The following GANAB variants were observed in gnomAD, a reference collection of about 807,000 sequenced individuals.
GANAB encodes glucosidase II alpha subunit, also known as neutral alpha-glucosidase AB.
GANAB carries 35 observed loss-of-function variants against 129.9 expected under a neutral mutation model. The observed-to-expected ratio is 0.27, with a 90% confidence interval of 0.21 to 0.36. The LOEUF (loss-of-function observed/expected upper bound fraction) is 0.36, where lower values mean the gene tolerates loss of function less well. Ranked by LOEUF, GANAB falls within the 10% of genes least tolerant of loss-of-function variation. GANAB has a pLI of 1.00. For missense variants in GANAB, 939 were observed against 1,221.0 expected (o/e 0.77, Z 3.44); for synonymous variants, 482 against 451.8 (o/e 1.07, Z -0.85).
intron 22 of GANAB, 48 bp from the exon 23 acceptor site, chr11:62,626,213 C>A (rs755832946): frequency 6.9e-7 from 1 of 1,441,400 alleles, no homozygotes; most frequent in Non-Finnish European, 9.8e-7. Flanking sequence ...AATAACAGAA[C>A]AGAAGGAAGG....
intron 4 of GANAB, among the ~76,000 whole-genome samples, chr11:62,636,328 C>T (rs1008697157): frequency 6.6e-6 from 1 of 150,868 alleles, no homozygotes; most frequent in Non-Finnish European, 1.5e-5. Flanking sequence ...AGGATGGGCT[C>T]GGTGGCCCAC....
Position 62,625,109 on chromosome 11 carries a change from G to A in GANAB, c.*706C>T. 1 of 406,850 alleles carries A rather than the reference G, an allele frequency of 2.5e-6. No homozygotes were observed. 25.2% of individuals were successfully genotyped at this position (406,850 alleles called of 1,614,324 possible). A position where few individuals can be genotyped will look rare whatever the true frequency, so the allele number is the denominator to read the frequency against. On this transcript the variant is annotated 3_prime_UTR_variant, in exon 24 of 24. Transcript: ENST00000356638. ...CAAAGGGGACAAGAAGGGGGCAAAA[G>A]AAGTTTAATGCGCATCCCCTAAGAG...
Position 62,629,803 on chromosome 11 carries a change from C to T in GANAB, c.1737+11G>A. 6.2e-7 allele frequency: 1 copy of T among 1,614,036 alleles called. No individual in the cohort carries two copies. The highest frequency in any genetic ancestry group is 1.1e-5 in the South Asian group (1 of 91,080). ...CCTCTTTCCACCAACTCTCCTCTCT[C>T]AGGCCCTTACCACATAAAGGCCATA... is the stretch of plus-strand genomic sequence containing the variant. On this transcript the variant is annotated intron_variant, in intron 14 of 23. Transcript: ENST00000356638.
chr11:62,625,706 G>T lies in GANAB; in HGVS notation c.*109C>A. 1.4e-6 allele frequency: 1 copy of T among 740,354 alleles called. No individual in the cohort carries two copies. Among genetic ancestry groups the T allele is most frequent in the Non-Finnish European group, 2.4e-6 (1 of 416,008 alleles). The allele number at this position is 740,354 out of a possible 1,614,324, so 45.9% of individuals were successfully genotyped here. On this transcript the variant is annotated 3_prime_UTR_variant, in exon 24 of 24. Coordinates refer to ENST00000356638, the MANE Select transcript of GANAB (RefSeq NM_198334.3). Reference sequence around the variant, plus strand: ...AAATGTTGGCAGAATCTGGGTCTTAGACTAGCATAAGTGAAGTCTGGGGAG... The same window carrying T: ...AAATGTTGGCAGAATCTGGGTCTTATACTAGCATAAGTGAAGTCTGGGGAG...
intron 1 of GANAB, 90 bp from the exon 2 acceptor site, chr11:62,639,821 T>A: frequency 1.3e-6 from 1 of 766,198 alleles, no homozygotes; most frequent in South Asian, 1.4e-5. Context: ...GTCATAGCAC[T>A]AGAAGATAGT....
At position 62,639,033 on chromosome 11, in the gene GANAB, T is replaced by C. The variant is rs781152349; in HGVS notation, c.330A>G (p.Arg110=). 1.8e-5 allele frequency: 29 copies of C among 1,613,208 alleles called. No individual in the cohort carries two copies. The highest frequency in any genetic ancestry group is 2.3e-5 in the Non-Finnish European group (27 of 1,179,782). The stretch of plus-strand genomic sequence containing the variant: ...AAACATCTGGTACACGGTATCGGGG[T>C]CGCCGAGGCTCCAGCTCATCAATCC... The part of the protein sequence containing the change: ...RFRIDELEPR[R]PRYRVPDVLV... The change falls in exon 4 of 24, where the codon CGA becomes CGG. Residue 110 remains arginine, a synonymous_variant. Coordinates refer to ENST00000356638, the MANE Select transcript of GANAB (RefSeq NM_198334.3).
At chr11:62,628,646 T>C (rs1051647739) in intron 17 of GANAB, 123 bp downstream of exon 17, 10 of 1,019,778 alleles carry the variant, frequency 9.8e-6, no homozygotes, top group South Asian at 7.5e-5. Context: ...ACTCTTGACC[T>C]TAATGATTTT....
chr11:62,630,588 T>C lies in GANAB; in HGVS notation c.1386+13A>G. On this transcript the variant is annotated intron_variant, in intron 11 of 23. Transcript: ENST00000356638. ...CTACCCTGAGAAGACCAAGCGTGAC[T>C]GCAACCCCTTACCTTCCGCCTCTTA... The C allele has an allele frequency of 1.2e-6, 2 of 1,611,234 alleles. No homozygotes were observed. The highest frequency in any genetic ancestry group is 1.7e-6 in the Non-Finnish European group (2 of 1,177,606).
chr11:62,627,159 A>G, intron 18 of GANAB, 35 bp from the exon 19 acceptor site: 1 of 1,568,492 alleles, frequency 6.4e-7, no homozygotes, highest in Non-Finnish European at 8.8e-7. Context: ...GAATAGGGGG[A>G]TTAGTTCCCA....
intron 9 of GANAB, 130 bp downstream of exon 9, chr11:62,632,435 A>G: frequency 1.4e-6 from 1 of 703,028 alleles, no homozygotes; most frequent in Non-Finnish European, 2.5e-6. Context: ...AGGGAACTCA[A>G]ATGCTGCCCA....
Position 62,628,827 on chromosome 11 carries a change from G to C in GANAB, c.2122C>G (p.Leu708Val). The stretch of plus-strand genomic sequence containing the variant: ...TATAAGAGGGTGTACCAGAAGGGCA[G>C]CAAAGAATATCGCTGGCCCAAGGCA... ...RDALGQRYSL[L>V]PFWYTLLYQA... The change falls in exon 17 of 24, where the codon CTG (leucine) becomes GTG (valine). Residue 708 changes from leucine to valine, a missense_variant. Leu to Val is a conservative substitution (Grantham distance 32). Transcript: ENST00000356638. 6.2e-7 allele frequency: 1 copy of C among 1,613,974 alleles called. No homozygotes were observed. The highest frequency in any genetic ancestry group is 8.5e-7 in the Non-Finnish European group (1 of 1,179,870).
At chr11:62,646,534 G>C (rs1944492919) in intron 1 of GANAB, 28 bp downstream of exon 1, 1 of 1,612,096 alleles carries the variant, frequency 6.2e-7, no homozygotes, top group African/African-American at 1.3e-5. Flanking sequence ...GGCGTCCCGG[G>C]CGCGCCCCCA....
intron 1 of GANAB, among the ~76,000 whole-genome samples, chr11:62,642,920 T>C (rs1944329566): frequency 6.6e-6 from 1 of 152,186 alleles, no homozygotes; most frequent in Admixed American, 6.5e-5. Context: ...ATTAAATAGC[T>C]GGTAAGGGAT....
chr11:62,633,344 C>T lies in GANAB; in HGVS notation c.631-73G>A, dbSNP rs532910869. 33 of 1,542,392 alleles carry T rather than the reference C, an allele frequency of 2.1e-5. 1 individual carries two copies. The South Asian group carries it at 3.6e-4, about 17-fold the overall frequency. On this transcript the variant is annotated intron_variant, in intron 6 of 23. Transcript: ENST00000356638. The stretch of plus-strand genomic sequence containing the variant: ...TTTCCCCGCTCCCATCAACTAAATC[C>T]CATCCCTGATGGGGAGACTAAGTTC...
At chr11:62,636,456 C>G (rs1384500691) in intron 4 of GANAB, among the ~76,000 whole-genome samples, 1 of 151,550 alleles carries the variant, frequency 6.6e-6, no homozygotes, top group Non-Finnish European at 1.5e-5. Context: ...CAAAAATTAG[C>G]CAGTCTCATA....
Position 62,632,549 on chromosome 11 carries a change from G to A in GANAB, c.996+16C>T, listed in dbSNP as rs772081649. The A allele has an allele frequency of 6.2e-6, 10 of 1,603,232 alleles. No individual in the cohort carries two copies. The highest frequency in any genetic ancestry group is 3.4e-5 in the Admixed American group (2 of 59,382). ...AAGCTTCACTCCCTCCTTTTTCCCCGTGCCTGTGCTCTCACCTTCCCGGCA... is the reference window on the plus strand; with the variant it reads ...AAGCTTCACTCCCTCCTTTTTCCCCATGCCTGTGCTCTCACCTTCCCGGCA... On this transcript the variant is annotated intron_variant, in intron 9 of 23. Transcript: ENST00000356638.
intron 15 of GANAB, 65 bp downstream of exon 15, chr11:62,629,523 G>A (rs1417449404): frequency 3.7e-6 from 4 of 1,084,428 alleles, no homozygotes; most frequent in Non-Finnish European, 5.4e-6. Context: ...GGCAGGTCCA[G>A]GTCCATGGCT....
In GANAB at chr11:62,625,091, G is replaced by T; in HGVS notation, c.*724C>A. The T allele has an allele frequency of 2.5e-6, 1 of 392,580 alleles. No individual in the cohort carries two copies. The highest frequency in any genetic ancestry group is 5.0e-6 in the Non-Finnish European group (1 of 199,298). The allele number at this position is 392,580 out of a possible 1,614,324, so 24.3% of individuals were successfully genotyped here. A position where few individuals can be genotyped will look rare whatever the true frequency, so the allele number is the denominator to read the frequency against. On this transcript the variant is annotated 3_prime_UTR_variant, in exon 24 of 24. Coordinates refer to ENST00000356638, the MANE Select transcript of GANAB (RefSeq NM_198334.3). ...TCCATCTTAAGTGCCCCTCAAAGGG[G>T]ACAAGAAGGGGGCAAAAGAAGTTTA...
chr11:62,631,291 G>A (rs1023591991), intron 9 of GANAB, 108 bp from the exon 10 acceptor site: 1 of 1,081,288 alleles, frequency 9.2e-7, no homozygotes, highest in South Asian at 1.7e-5. Context: ...GCTGGCTCAT[G>A]TAAGCTGCTT....
Sources: gnomAD v4.1 joint callset for allele counts (sites outside exome capture counted in the v4.1 genomes callset) on GRCh38, gnomAD v4.1.1 for gene constraint, MANE v1.5 for transcripts, NCBI Gene and HGNC (gene_info 2026-07-23, HGNC 2026-07-21) for gene names.